CDK5RAP2: variants seen among roughly 807,000 people sequenced by gnomAD.
The protein encoded by CDK5RAP2 is CDK5 regulatory subunit associated protein 2, also known as CDK5 regulatory subunit-associated protein 2.
CDK5RAP2 carries 147 observed loss-of-function variants against 232.9 expected under a neutral mutation model. The ratio of observed to expected loss-of-function variants is 0.63; its 90% confidence interval spans 0.55 to 0.72. The LOEUF is 0.72. CDK5RAP2 is among the 30% of genes least tolerant of loss of function. CDK5RAP2 has a pLI of 0.00. For missense variants in CDK5RAP2, 2,195 were observed against 2,231.5 expected (o/e 0.98, Z 0.33); for synonymous variants, 833 against 833.7 (o/e 1.00, Z 0.01).
chr9:120,477,464 T>A lies in CDK5RAP2; in HGVS notation c.1627-14A>T. 6.3e-7 allele frequency: 1 copy of A among 1,579,636 alleles called. No homozygotes were observed. The highest frequency in any genetic ancestry group is 8.7e-7 in the Non-Finnish European group (1 of 1,149,282). ...TTGTTTCTTTTCCTGGAAATGACAA[T>A]GGGCATTTGACATTAAGGAAAGAAT... On this transcript the variant is annotated splice_polypyrimidine_tract_variant and intron_variant, in intron 14 of 37. Transcript: ENST00000349780.
At chr9:120,436,107 A>C (rs940031661) in intron 25 of CDK5RAP2, among the ~76,000 whole-genome samples, 1 of 152,242 alleles carries the variant, frequency 6.6e-6, no homozygotes, top group Admixed American at 6.5e-5. Context: ...CATTACCTTA[A>C]GGAAGTGATC....
chr9:120,485,293 CTTTTTTTTTT>C lies in CDK5RAP2; in HGVS notation c.1626+1991_1626+2000del, dbSNP rs111411839. Reference sequence around the variant, plus strand: ...AAACATTTTGTTCAACATTTAGATACTTTTTTTTTTTTTTTTTTTTTGAGAGGAGTCTTGC... The same window carrying C: ...AAACATTTTGTTCAACATTTAGATACTTTTTTTTTTTGAGAGGAGTCTTGC... On this transcript the variant is annotated intron_variant, in intron 14 of 37. Transcript: ENST00000349780. Among the ~76,000 whole-genome samples, 436 of 132,364 alleles carry C rather than the reference CTTTTTTTTTT, an allele frequency of 3.3e-3. 5 individuals are homozygous for C. Among genetic ancestry groups the C allele is most frequent in the African/African-American group, 0.011 (395 of 35,266 alleles). 86.8% of individuals were successfully genotyped at this position (132,364 alleles called of 152,430 possible). A position where few individuals can be genotyped will look rare whatever the true frequency, so the allele number is the denominator to read the frequency against.
At chr9:120,422,073 G>C (rs2034598682) in intron 26 of CDK5RAP2, among the ~76,000 whole-genome samples, 1 of 152,216 alleles carries the variant, frequency 6.6e-6, no homozygotes, top group Non-Finnish European at 1.5e-5. Flanking sequence ...AAAGATAAAT[G>C]TAGAAAGCAT....
chr9:120,453,768 A>G lies in CDK5RAP2; in HGVS notation c.2481T>C (p.Pro827=), dbSNP rs2036602908. ...AATGTACAAGTTCACCTTTTTGCTTAGGTGTCTTCTCAGTTTTACCATCAA... is the reference window on the plus strand; with the variant it reads ...AATGTACAAGTTCACCTTTTTGCTTGGGTGTCTTCTCAGTTTTACCATCAA... ...EHLDGKTEKT[P]KQKGELVHFV... is the part of the protein sequence containing the mutation. Residue 827 remains proline, a synonymous_variant, in exon 21 of 38, where the codon CCT becomes CCC. Transcript: ENST00000349780. 1 of 1,614,086 alleles carries G rather than the reference A, an allele frequency of 6.2e-7. No homozygotes were observed. The highest frequency in any genetic ancestry group is 8.5e-7 in the Non-Finnish European group (1 of 1,180,042).
At chr9:120,429,556 C>T (rs1056780406) in intron 25 of CDK5RAP2, among the ~76,000 whole-genome samples, 18 of 152,142 alleles carry the variant, frequency 1.2e-4, no homozygotes, top group South Asian at 8.3e-4. Flanking sequence ...TTACAAGGGA[C>T]GTGAAGGACC....
chr9:120,482,451 C>T (rs1238193875), intron 14 of CDK5RAP2, among the ~76,000 whole-genome samples: 1 of 152,186 alleles, frequency 6.6e-6, no homozygotes, highest in Admixed American at 6.5e-5. Context: ...CTGGGAAATC[C>T]CTCCATCAGA....
rs2041734115 is a variant in CDK5RAP2 at position 120,543,786 on chromosome 9, A to T, written c.383+1928T>A. Among the ~76,000 whole-genome samples the T allele has an allele frequency of 2.0e-5, 3 of 152,208 alleles. No individual in the cohort carries two copies. The South Asian group carries it at 6.2e-4, about 32-fold the overall frequency. ...GGCAGGAGAATCGCCTGGACCCAGG[A>T]GGCGGAGGTTGCAGTGAGCCGAGAT... On this transcript the variant is annotated intron_variant, in intron 5 of 37. Coordinates refer to ENST00000349780, the MANE Select transcript of CDK5RAP2 (RefSeq NM_018249.6).
chr9:120,565,359 C>G (rs545129162), intron 3 of CDK5RAP2, among the ~76,000 whole-genome samples: 1 of 152,304 alleles, frequency 6.6e-6, no homozygotes, highest in African/African-American at 2.4e-5. Flanking sequence ...TAACTCATCA[C>G]CTTACCACCA....
At chr9:120,434,033 A>G (rs1345296621) in intron 25 of CDK5RAP2, among the ~76,000 whole-genome samples, 1 of 152,242 alleles carries the variant, frequency 6.6e-6, no homozygotes, top group African/African-American at 2.4e-5. Context: ...TAAAAAACAT[A>G]TAACATGCAA....
intron 35 of CDK5RAP2, among the ~76,000 whole-genome samples, chr9:120,400,161 A>G (rs1469737972): frequency 1.3e-5 from 2 of 152,170 alleles, no homozygotes; most frequent in Admixed American, 1.3e-4. Flanking sequence ...TCACCTTGTC[A>G]TGACACCACA....
rs564648046 is a variant in CDK5RAP2, at chr9:120,534,439, C to A, written c.662+1933G>T. Among the ~76,000 whole-genome samples, 353 of 152,300 alleles carry A rather than the reference C, an allele frequency of 2.3e-3. 7 individuals carry two copies. Among genetic ancestry groups the A allele is most frequent in the Non-Finnish European group, 2.8e-3 (189 of 68,030 alleles). ...AGCATTGATCCTACTTAGCCCTTAT[C>A]ATCCTGCTCCTCCCTCCACCCCTCC... On this transcript the variant is annotated intron_variant, in intron 7 of 37. Coordinates refer to ENST00000349780, the MANE Select transcript of CDK5RAP2 (RefSeq NM_018249.6).
chr9:120,445,424 T>C (rs4837771), intron 22 of CDK5RAP2, among the ~76,000 whole-genome samples: 72,007 of 151,984 alleles, frequency 0.47, 18,213 homozygotes, highest in Admixed American at 0.55. Flanking sequence ...CTTCTCTACA[T>C]TGCTTTACGG....
At chr9:120,471,162 C>G (rs976734499) in intron 16 of CDK5RAP2, among the ~76,000 whole-genome samples, 9 of 152,226 alleles carry the variant, frequency 5.9e-5, no homozygotes, top group East Asian at 1.9e-4. Flanking sequence ...TGTCAGGCAC[C>G]GGGCTAGAGA....
At chr9:120,407,459 A>G (rs2033536799) in intron 31 of CDK5RAP2, 1 of 589,888 alleles carries the variant, frequency 1.7e-6, no homozygotes, top group African/African-American at 1.9e-5. Flanking sequence ...AGAGCTGGAA[A>G]TTAATTTTCG....
chr9:120,465,320 C>A (rs894182991), intron 18 of CDK5RAP2, among the ~76,000 whole-genome samples: 1 of 152,260 alleles, frequency 6.6e-6, no homozygotes, highest in East Asian at 1.9e-4. Context: ...CAACCTAATT[C>A]TCCTATAATG....
intron 8 of CDK5RAP2, among the ~76,000 whole-genome samples, chr9:120,529,494 C>A (rs10760099): frequency 6.6e-6 from 1 of 152,190 alleles, no homozygotes; most frequent in Non-Finnish European, 1.5e-5. Flanking sequence ...TGAGCTCTAC[C>A]TTGCCAGGTG....
At chr9:120,570,972 G>T (rs1588681605) in intron 2 of CDK5RAP2, among the ~76,000 whole-genome samples, 2 of 152,270 alleles carry the variant, frequency 1.3e-5, no homozygotes, top group East Asian at 3.9e-4. Context: ...GACCAGACTG[G>T]GCAACATGGC....
intron 12 of CDK5RAP2, among the ~76,000 whole-genome samples, chr9:120,499,382 G>A (rs978276825): frequency 2.0e-5 from 3 of 151,952 alleles, no homozygotes; most frequent in Non-Finnish European, 2.9e-5. Flanking sequence ...TCCATAATGA[G>A]CAGGGGTTTT....
In CDK5RAP2 at chr9:120,443,389, T is replaced by C. The variant is rs750065415; in HGVS notation, c.3148+231A>G. 1.2e-4 allele frequency among the ~76,000 whole-genome samples: 18 copies of C among 152,222 alleles called. 1 individual carries two copies. Among genetic ancestry groups the C allele is most frequent in the Middle Eastern group, 3.2e-3 (1 of 316 alleles). On this transcript the variant is annotated intron_variant, in intron 23 of 37. Transcript: ENST00000349780. ...CCTGGTAGAGAAGCATGCTGACACATGGACGGGTGGGTTCTGACATCCTAC... is the reference window on the plus strand; with the variant it reads ...CCTGGTAGAGAAGCATGCTGACACACGGACGGGTGGGTTCTGACATCCTAC...
Sources: gnomAD v4.1 joint callset for allele counts (sites outside exome capture counted in the v4.1 genomes callset) on GRCh38, gnomAD v4.1.1 for gene constraint, MANE v1.5 for transcripts, NCBI Gene and HGNC (gene_info 2026-07-23, HGNC 2026-07-21) for gene names.